Variants in SMC2 observed in about 807,000 individuals in gnomAD.
SMC2 encodes the protein structural maintenance of chromosomes protein 2.
Under a neutral mutation model 142.6 loss-of-function variants are expected in SMC2, and 41 were observed. That is an observed-to-expected ratio of 0.29 (90% CI 0.22 to 0.37). SMC2 has a LOEUF of 0.37. Ranked by LOEUF, SMC2 falls within the 10% of genes least tolerant of loss-of-function variation. The pLI, the probability that SMC2 is intolerant of heterozygous loss-of-function variation, is 1.00. For missense variants in SMC2, 1,265 were observed against 1,373.7 expected (o/e 0.92, Z 1.25); for synonymous variants, 463 against 457.5 (o/e 1.01, Z -0.15).
chr9:104,100,240 T>C, intron 6 of SMC2, 37 bp downstream of exon 6: 1 of 1,467,200 alleles, frequency 6.8e-7, no homozygotes, highest in Non-Finnish European at 9.2e-7. Flanking sequence ...CGGAGAAGAA[T>C]GTAATTTTGC....
chr9:104,106,227 C>T (rs1157643618), intron 9 of SMC2, among the ~76,000 whole-genome samples: 3 of 152,018 alleles, frequency 2.0e-5, no homozygotes, highest in Non-Finnish European at 2.9e-5. Context: ...GTTGCTTGGG[C>T]AGTGAAGGAT....
At chr9:104,125,136 C>A in intron 18 of SMC2, 31 bp downstream of exon 18, 2 of 1,487,842 alleles carry the variant, frequency 1.3e-6, no homozygotes, top group Non-Finnish European at 1.8e-6. Flanking sequence ...TTGAACCAAC[C>A]TTTTAAAGTC....
chr9:104,112,776 T>C (rs79508417), intron 10 of SMC2, among the ~76,000 whole-genome samples: 9,188 of 152,198 alleles, frequency 0.06, 744 homozygotes, highest in African/African-American at 0.19. Flanking sequence ...GTATAAATTC[T>C]TGAAGGCCTG....
chr9:104,101,391 T>C (rs1831101465), intron 7 of SMC2, among the ~76,000 whole-genome samples: 1 of 152,234 alleles, frequency 6.6e-6, no homozygotes, highest in East Asian at 1.9e-4. Context: ...TATGATTTAG[T>C]AGAAAACACT....
chr9:104,119,826 T>C (rs1833531739), intron 15 of SMC2, among the ~76,000 whole-genome samples: 1 of 152,210 alleles, frequency 6.6e-6, no homozygotes, highest in African/African-American at 2.4e-5. Context: ...GAATAAATAA[T>C]ACCTACTACA....
chr9:104,131,796 AGAGTGTGTATAT>A (rs1368152368), intron 21 of SMC2, among the ~76,000 whole-genome samples: 1 of 151,946 alleles, frequency 6.6e-6, no homozygotes, highest in Non-Finnish European at 1.5e-5. Flanking sequence ...AATTTTGTTA[AGAGTGTGTATAT>A]GAGTGTGTAT....
chr9:104,123,277 T>A (rs776029002), intron 17 of SMC2, 45 bp downstream of exon 17: 12 of 1,584,494 alleles, frequency 7.6e-6, no homozygotes, highest in Non-Finnish European at 1.0e-5. Context: ...TTTATTCATA[T>A]CCGTTACCTT....
intron 7 of SMC2, among the ~76,000 whole-genome samples, chr9:104,101,535 TTGTC>T (rs1474916623): frequency 6.6e-6 from 1 of 152,168 alleles, no homozygotes; most frequent in Non-Finnish European, 1.5e-5. Flanking sequence ...AGTTATTACT[TTGTC>T]TGGTCCCAGT....
Position 104,096,205 on chromosome 9 carries a change from A to G in SMC2, c.226A>G (p.Lys76Glu). 6.2e-7 allele frequency: 1 copy of G among 1,613,920 alleles called. No homozygotes were observed. The highest frequency in any genetic ancestry group is 8.5e-7 in the Non-Finnish European group (1 of 1,179,772). Residue 76 changes from lysine (K) to glutamate (E), a missense_variant, in exon 3 of 25, where the codon AAA becomes GAA. Around this residue, in one of 4 missense-constraint regions of SMC2, gnomAD observed 168 missense variants for 184.8 expected, o/e 0.91. Coordinates refer to ENST00000374793, the MANE Select transcript of SMC2 (RefSeq NM_006444.3). ...VYKNGQAGITKASVSITFDNS... is the reference protein window; with the variant it reads ...VYKNGQAGITEASVSITFDNS... ...CAAAAATGGGCAGGCTGGTATTACC[A>G]AAGCCTCTGTGTCAATCACTTTTGA...
rs887769915 is a variant in SMC2 at position 104,140,899 on chromosome 9, G to A, written c.*1584G>A. 2.0e-5 allele frequency: 3 copies of A among 152,228 alleles called. No homozygotes were observed. Among genetic ancestry groups the A allele is most frequent in the Non-Finnish European group, 2.9e-5 (2 of 68,006 alleles). The allele number at this position is 152,228 out of a possible 1,614,324, so 9.4% of individuals were successfully genotyped here. A position where few individuals can be genotyped will look rare whatever the true frequency, so the allele number is the denominator to read the frequency against. On this transcript the variant is annotated 3_prime_UTR_variant, in exon 25 of 25. Coordinates refer to ENST00000374793, the MANE Select transcript of SMC2 (RefSeq NM_006444.3). ...GTACTTCATTGCTGTTTTAGCCAAC[G>A]TTTTAAAAATAATTTGGGAGTTTGA...
chr9:104,135,717 C>T (rs1835452960), intron 23 of SMC2: 2 of 403,080 alleles, frequency 5.0e-6, no homozygotes, highest in Non-Finnish European at 4.8e-6. Flanking sequence ...TGCTAGTGAA[C>T]AAAAATAAAA....
chr9:104,124,892 T>C lies in SMC2; in HGVS notation c.2258-20T>C. On this transcript the variant is annotated intron_variant, in intron 17 of 24. Transcript: ENST00000374793. ...TTTACCATTGTTAACTTAGCCACAT[T>C]TGCTTACTTTGTGATGCAGAGGAAA... The C allele has an allele frequency of 6.4e-7, 1 of 1,562,832 alleles. No homozygotes were observed. Among genetic ancestry groups the C allele is most frequent in the Admixed American group, 2.2e-5 (1 of 45,258 alleles).
At chr9:104,103,735 G>GA (rs1831433782) in intron 9 of SMC2, among the ~76,000 whole-genome samples, 1 of 151,866 alleles carries the variant, frequency 6.6e-6, no homozygotes. Flanking sequence ...CCTTTTCACT[G>GA]AAAAAAAATT....
Position 104,095,490 on chromosome 9 carries a change from A to G in SMC2, c.106A>G (p.Ser36Gly). ...LFNAITGLNG[S>G]GKSNILDSIC... Reference sequence around the variant, plus strand: ...CAATGCTATCACTGGCTTAAATGGTAGTGGGAAATCCAACATATTGGACTC... The same window carrying G: ...CAATGCTATCACTGGCTTAAATGGTGGTGGGAAATCCAACATATTGGACTC... Residue 36 changes from serine (S) to glycine (G), a missense_variant, in exon 2 of 25, where the codon AGT (serine) becomes GGT (glycine). Physicochemically the swap from Ser to Gly is moderately conservative, Grantham distance 56. Around this residue, in one of 4 missense-constraint regions of SMC2, gnomAD observed 168 missense variants for 184.8 expected, o/e 0.91. Coordinates refer to ENST00000374793, the MANE Select transcript of SMC2 (RefSeq NM_006444.3). 2 of 1,614,050 alleles carry G rather than the reference A, an allele frequency of 1.2e-6. No homozygotes were observed. The highest frequency in any genetic ancestry group is 1.7e-6 in the Non-Finnish European group (2 of 1,179,914).
At chr9:104,124,009 C>T (rs1182294123) in intron 17 of SMC2, among the ~76,000 whole-genome samples, 2 of 152,176 alleles carry the variant, frequency 1.3e-5, no homozygotes, top group Non-Finnish European at 2.9e-5. Flanking sequence ...GCGGTAATGA[C>T]TTCCAAGGTT....
upstream of SMC2, among the ~76,000 whole-genome samples, chr9:104,091,920 G>C (rs1479850999): frequency 3.9e-5 from 6 of 152,136 alleles, no homozygotes; most frequent in African/African-American, 1.4e-4. Context: ...ATTTCTGCTT[G>C]AAACACTGCC....
intron 13 of SMC2, among the ~76,000 whole-genome samples, chr9:104,115,787 G>A (rs1386797608): frequency 6.6e-6 from 1 of 151,968 alleles, no homozygotes; most frequent in Non-Finnish European, 1.5e-5. Context: ...TTACATCTCT[G>A]AATAGGTAGA....
intron 18 of SMC2, among the ~76,000 whole-genome samples, chr9:104,125,949 A>AC (rs113874461): frequency 2.0e-5 from 3 of 151,902 alleles, no homozygotes; most frequent in African/African-American, 4.8e-5. Context: ...GGGGTCCCCA[A>AC]CCCCCCAGGC....
intron 16 of SMC2, among the ~76,000 whole-genome samples, chr9:104,121,086 G>A (rs1386284335): frequency 1.3e-5 from 2 of 152,214 alleles, no homozygotes; most frequent in Admixed American, 6.5e-5. Context: ...ACACACGAAA[G>A]AGTGAGTGAA....
Sources: allele counts gnomAD v4.1 joint callset (sites outside exome capture counted in the v4.1 genomes callset), GRCh38; gene constraint gnomAD v4.1.1; regional missense constraint gnomAD v4.1.1; transcripts MANE v1.5; gene names NCBI Gene and HGNC (gene_info 2026-07-23, HGNC 2026-07-21).